The following MTA3 variants were observed in gnomAD, a reference collection of about 807,000 sequenced individuals.
MTA3 encodes metastasis-associated protein MTA3.
A neutral mutation model predicts 83.5 loss-of-function variants in MTA3; 34 were observed. The ratio of observed to expected loss-of-function variants is 0.41; its 90% CI spans 0.31 to 0.54. The LOEUF is 0.54. MTA3 is among the 20% of genes least tolerant of loss of function. The pLI is 0.33. For synonymous variants in MTA3, 303 were observed against 252.7 expected, an observed-to-expected ratio of 1.20 and a Z score of -1.89; for missense variants, 761 against 726.4, an observed-to-expected ratio of 1.05 and a Z score of -0.55.
Position 42,551,325 on chromosome 2 carries a change from G to C in MTA3, c.-140-19112G>C, listed in dbSNP as rs560868084. On this transcript the variant is annotated intron_variant, in intron 2 of 17. Coordinates refer to the MTA3 transcript ENST00000405592. ...CCTGTTTCAGCCTCCCGAATAGCTG[G>C]GATTACAGATGCACACCACCATGCC... Among the ~76,000 whole-genome samples, 5 of 151,962 alleles carry C rather than the reference G, an allele frequency of 3.3e-5. No individual in the cohort carries two copies. The East Asian group carries it at 9.7e-4, about 29-fold the overall frequency.
At chr2:42,574,007 T>A (rs1313881492) in intron 2 of MTA3, among the ~76,000 whole-genome samples, 1 of 149,980 alleles carries the variant, frequency 6.7e-6, no homozygotes, top group Admixed American at 6.6e-5. Flanking sequence ...TTTATTTATT[T>A]ATTATTTATT....
At chr2:42,568,426 C>T (rs1370056419), upstream of MTA3, 1 of 142,818 alleles carries the variant, frequency 7.0e-6, no homozygotes, top group African/African-American at 2.6e-5. Context: ...CCCACCCTCC[C>T]TCCCACTCCC....
At chr2:42,549,285 AT>A (rs1214190719) in intron 2 of MTA3, among the ~76,000 whole-genome samples, 2 of 126,968 alleles carry the variant, frequency 1.6e-5, no homozygotes, top group Admixed American at 9.6e-5. Flanking sequence ...TATATGTAAT[AT>A]ATAATGTATA....
At chr2:42,554,141 C>A (rs959777189) in intron 2 of MTA3, among the ~76,000 whole-genome samples, 2 of 150,478 alleles carry the variant, frequency 1.3e-5, no homozygotes, top group African/African-American at 2.4e-5. Flanking sequence ...AGCTGAGGTA[C>A]GGGAATCGCT....
At chr2:42,531,392 A>C (rs1675957948) in intron 2 of MTA3, among the ~76,000 whole-genome samples, 2 of 150,930 alleles carry the variant, frequency 1.3e-5, no homozygotes, top group Admixed American at 1.3e-4. Context: ...GTAACACACA[A>C]AGAGTGGATG....
intron 9 of MTA3, among the ~76,000 whole-genome samples, chr2:42,689,374 C>T (rs915298998): frequency 1.3e-5 from 2 of 152,002 alleles, no homozygotes; most frequent in African/African-American, 2.4e-5. Context: ...TTTTGATTTC[C>T]TTGTAATATT....
intron 2 of MTA3, among the ~76,000 whole-genome samples, chr2:42,547,976 T>C (rs1215913706): frequency 6.6e-6 from 1 of 152,198 alleles, no homozygotes; most frequent in Non-Finnish European, 1.5e-5. Context: ...TACGGAGTCC[T>C]TCTAAGGCCA....
At chr2:42,752,928 C>CTTTTT (rs369993784) in intron 16 of MTA3, among the ~76,000 whole-genome samples, 2 of 139,916 alleles carry the variant, frequency 1.4e-5, no homozygotes, top group Admixed American at 7.0e-5. Context: ...CATTGTGAGC[C>CTTTTT]CTTTTTTTTT....
chr2:42,506,868 A>G (rs965592963), intron 2 of MTA3, among the ~76,000 whole-genome samples: 6 of 151,946 alleles, frequency 3.9e-5, no homozygotes, highest in Admixed American at 3.3e-4. Flanking sequence ...TGGCCTCCCA[A>G]AGTGCTGGGA....
chr2:42,660,461 G>A (rs964663515), intron 8 of MTA3, among the ~76,000 whole-genome samples: 19 of 152,008 alleles, frequency 1.2e-4, no homozygotes, highest in African/African-American at 4.1e-4. Flanking sequence ...TTTTCTTTCG[G>A]TGATCAAATG....
At chr2:42,652,622 A>G (rs1688819834) in intron 6 of MTA3, among the ~76,000 whole-genome samples, 1 of 152,160 alleles carries the variant, frequency 6.6e-6, no homozygotes, top group Non-Finnish European at 1.5e-5. Flanking sequence ...CTGGGGTTAC[A>G]GATGTGAGCC....
rs111705786 is a variant in MTA3 at position 42,569,211 on chromosome 2, C to T, written c.28+438C>T. Among the ~76,000 whole-genome samples, 22 of 54,060 alleles carry T rather than the reference C, an allele frequency of 4.1e-4. No individual in the cohort carries two copies. The South Asian group carries it at 0.016, about 38-fold the overall frequency. 35.5% of individuals were successfully genotyped at this position (54,060 alleles called of 152,430 possible). A position where few individuals can be genotyped will look rare whatever the true frequency, so the allele number is the denominator to read the frequency against. On this transcript the variant is annotated intron_variant, in intron 1 of 16. Coordinates refer to ENST00000405094, the MANE Select transcript of MTA3 (RefSeq NM_001330442.2). ...CCTGGGGTGGGGGTGGGGGTGGGGGCGGTGGGGGCCCAGCCAGGGGCCCAG... is the reference window on the plus strand; with the variant it reads ...CCTGGGGTGGGGGTGGGGGTGGGGGTGGTGGGGGCCCAGCCAGGGGCCCAG...
chr2:42,556,088 C>CA (rs1414791897), intron 2 of MTA3, among the ~76,000 whole-genome samples: 2 of 143,878 alleles, frequency 1.4e-5, no homozygotes, highest in Non-Finnish European at 1.5e-5. Flanking sequence ...CAAAAGCAAA[C>CA]AAACAAAAAA....
intron 2 of MTA3, among the ~76,000 whole-genome samples, chr2:42,557,707 T>C (rs1296525739): frequency 1.3e-5 from 2 of 152,212 alleles, no homozygotes; most frequent in African/African-American, 4.8e-5. Context: ...GAAGTTTAGC[T>C]TGAGCTCTCC....
intron 9 of MTA3, among the ~76,000 whole-genome samples, chr2:42,688,082 TA>T (rs531651632): frequency 3.5e-4 from 54 of 152,182 alleles, no homozygotes; most frequent in Non-Finnish European, 7.2e-4. Context: ...ACAGTTCGCT[TA>T]TCAGTCAGGA....
chr2:42,646,074 C>A (rs988376071), intron 6 of MTA3, among the ~76,000 whole-genome samples: 1 of 152,194 alleles, frequency 6.6e-6, no homozygotes, highest in Non-Finnish European at 1.5e-5. Context: ...ATCTGCTCTG[C>A]CTGTGTCCTG....
At chr2:42,524,376 C>T (rs2103701052) in intron 2 of MTA3, among the ~76,000 whole-genome samples, 1 of 151,458 alleles carries the variant, frequency 6.6e-6, no homozygotes, top group South Asian at 2.1e-4. Context: ...TCTGGGCTTG[C>T]TGCAAGCTCC....
chr2:42,715,252 G>C (rs577094123), intron 14 of MTA3, among the ~76,000 whole-genome samples: 157 of 152,256 alleles, frequency 1.0e-3, no homozygotes, highest in Admixed American at 1.4e-3. Flanking sequence ...GTGTGGGCCA[G>C]ACAATCCCAC....
intron 4 of MTA3, among the ~76,000 whole-genome samples, chr2:42,610,852 T>A (rs538133222): frequency 6.6e-6 from 1 of 152,304 alleles, no homozygotes; most frequent in African/African-American, 2.4e-5. Flanking sequence ...TTCACTCCTC[T>A]TAGGTTAAAG....
Sources: gnomAD v4.1 joint callset for allele counts (sites outside exome capture counted in the v4.1 genomes callset) on GRCh38, gnomAD v4.1.1 for gene constraint, MANE v1.5 for transcripts, NCBI Gene and HGNC (gene_info 2026-07-23, HGNC 2026-07-21) for gene names.